The following NXN variants were observed in gnomAD, a reference collection of about 807,000 sequenced individuals.
NXN encodes nucleoredoxin 1.
NXN carries 16 observed loss-of-function variants against 48.6 expected under a neutral mutation model. The observed-to-expected ratio is 0.33, with a 90% confidence interval of 0.22 to 0.50. The LOEUF (loss-of-function observed/expected upper bound fraction) is 0.50. Among genes scored for constraint, NXN ranks in the 20% least tolerant of loss-of-function variants. The pLI, the probability that NXN is intolerant of heterozygous loss-of-function variation, is 0.98. For missense variants in NXN, 492 were observed against 605.5 expected (o/e 0.81, Z 1.97); for synonymous variants, 281 against 269.6 (o/e 1.04, Z -0.41).
intron 1 of NXN, among the ~76,000 whole-genome samples, chr17:953,180 C>T (rs137997747): frequency 8.5e-5 from 13 of 152,130 alleles, no homozygotes; most frequent in African/African-American, 2.2e-4. Flanking sequence ...CTTGGGAGGC[C>T]GAGGCGGGCG....
At chr17:912,516 GT>G (rs2144926933) in intron 1 of NXN, among the ~76,000 whole-genome samples, 1 of 152,198 alleles carries the variant, frequency 6.6e-6, no homozygotes, top group South Asian at 2.1e-4. Context: ...CCTTTTGCCA[GT>G]TTAATAATCA....
chr17:873,555 G>C (rs1355079625), intron 1 of NXN, among the ~76,000 whole-genome samples: 3 of 149,056 alleles, frequency 2.0e-5, no homozygotes, highest in Non-Finnish European at 4.4e-5. Flanking sequence ...TATTTTGCTA[G>C]TCACAGAGAG....
At chr17:927,506 G>A (rs2068812419) in intron 1 of NXN, among the ~76,000 whole-genome samples, 1 of 150,262 alleles carries the variant, frequency 6.7e-6, no homozygotes, top group African/African-American at 2.5e-5. Context: ...TTAGGAGGTT[G>A]AGGCAGGAGG....
At chr17:842,959 A>AG (rs1433599946) in intron 1 of NXN, among the ~76,000 whole-genome samples, 1 of 115,700 alleles carries the variant, frequency 8.6e-6, no homozygotes, top group African/African-American at 3.2e-5. Flanking sequence ...AAGGAAAGAA[A>AG]GAAAGAGAGA....
intron 1 of NXN, chr17:911,038 AAT>A (rs1314060828): frequency 1.3e-5 from 2 of 152,130 alleles, no homozygotes; most frequent in African/African-American, 4.8e-5. Context: ...CCACTCTGCC[AAT>A]AGTGTGTCCT....
chr17:889,771 AAGAAAAGAGAG>A (rs2068395984), intron 1 of NXN, among the ~76,000 whole-genome samples: 3 of 149,676 alleles, frequency 2.0e-5, no homozygotes, highest in Non-Finnish European at 4.4e-5. Context: ...AAAAGAAAGA[AAGAAAAGAGAG>A]AGAAAAGAAA....
chr17:876,689 T>A (rs908778461), intron 1 of NXN, among the ~76,000 whole-genome samples: 5 of 152,212 alleles, frequency 3.3e-5, no homozygotes, highest in African/African-American at 1.2e-4. Context: ...TCCTCATTTA[T>A]ACGGGAAACT....
intron 7 of NXN, among the ~76,000 whole-genome samples, chr17:801,340 G>T (rs182968039): frequency 3.3e-5 from 5 of 151,822 alleles, no homozygotes; most frequent in Non-Finnish European, 7.4e-5. Context: ...CTTTGCATCC[G>T]CCCTGCAAAC....
intron 1 of NXN, among the ~76,000 whole-genome samples, chr17:880,246 G>A (rs552277988): frequency 6.1e-4 from 93 of 152,134 alleles, no homozygotes; most frequent in East Asian, 9.7e-4. Context: ...TGAGGGAGGC[G>A]TCTCTTTATT....
At chr17:915,491 C>T (rs1315757667) in intron 1 of NXN, among the ~76,000 whole-genome samples, 1 of 151,830 alleles carries the variant, frequency 6.6e-6, no homozygotes, top group South Asian at 2.1e-4. Context: ...TGCCATGTTG[C>T]CCAGACTGGT....
intron 5 of NXN, among the ~76,000 whole-genome samples, chr17:814,567 G>A (rs961510269): frequency 6.6e-5 from 10 of 152,208 alleles, no homozygotes; most frequent in Admixed American, 2.6e-4. Flanking sequence ...ACACGTACTC[G>A]GACCAACACT....
intron 1 of NXN, among the ~76,000 whole-genome samples, chr17:841,597 T>TC (rs1424679346): frequency 4.7e-5 from 4 of 85,552 alleles, no homozygotes; most frequent in African/African-American, 1.3e-4. Context: ...GGCGAGCAGG[T>TC]CCCCCCGACC....
chr17:943,475 T>G (rs778194857), intron 1 of NXN, among the ~76,000 whole-genome samples: 10 of 152,126 alleles, frequency 6.6e-5, no homozygotes, highest in Non-Finnish European at 1.5e-4. Flanking sequence ...TGCCCAGCCT[T>G]GAGATCCCAA....
chr17:832,385 A>C (rs1597641617), intron 1 of NXN, among the ~76,000 whole-genome samples: 1 of 148,654 alleles, frequency 6.7e-6, no homozygotes, highest in Non-Finnish European at 1.5e-5. Flanking sequence ...ACGGGGTTTC[A>C]CCTTGTTAGC....
intron 1 of NXN, among the ~76,000 whole-genome samples, chr17:957,574 G>A (rs551483745): frequency 2.0e-4 from 30 of 151,674 alleles, no homozygotes; most frequent in Admixed American, 3.3e-4. Flanking sequence ...GTAGGTTGCA[G>A]TGAGCCAAGA....
intron 1 of NXN, among the ~76,000 whole-genome samples, chr17:972,035 T>A (rs560990324): frequency 6.6e-6 from 1 of 152,110 alleles, no homozygotes; most frequent in Non-Finnish European, 1.5e-5. Flanking sequence ...TCACGGTGGC[T>A]CACACCCGTA....
At chr17:853,723 A>ATATATAT (rs1491528474) in intron 1 of NXN, among the ~76,000 whole-genome samples, 31 of 105,976 alleles carry the variant, frequency 2.9e-4, no homozygotes, top group African/African-American at 7.3e-4. Flanking sequence ...ATATATATAT[A>ATATATAT]TTTTTTTTTT....
At chr17:947,785 C>T (rs1478990522) in intron 1 of NXN, among the ~76,000 whole-genome samples, 1 of 147,888 alleles carries the variant, frequency 6.8e-6, no homozygotes, top group Non-Finnish European at 1.5e-5. Context: ...CGCCTGTAAT[C>T]CTAGCACTTT....
At chr17:895,873 A>G (rs1440261955) in intron 1 of NXN, among the ~76,000 whole-genome samples, 1 of 151,906 alleles carries the variant, frequency 6.6e-6, no homozygotes. Context: ...TCAACAATGT[A>G]GTATCTTCCA....
Sources: gnomAD v4.1 joint callset for allele counts (sites outside exome capture counted in the v4.1 genomes callset) on GRCh38, gnomAD v4.1.1 for gene constraint, MANE v1.5 for transcripts, NCBI Gene and HGNC (gene_info 2026-07-23, HGNC 2026-07-21) for gene names.